Variants in RBFOX1 observed in about 807,000 individuals in gnomAD.
RBFOX1 encodes RNA binding fox-1 homolog 1.
RBFOX1 carries 8 observed loss-of-function variants against 57.7 expected under a neutral mutation model. The observed-to-expected ratio is 0.14, with a 90% confidence interval of 0.08 to 0.25. The LOEUF (loss-of-function observed/expected upper bound fraction) is 0.25, where lower values mean the gene tolerates loss of function less well. RBFOX1 is among the 10% of genes least tolerant of loss of function. The pLI is 1.00. For synonymous variants in RBFOX1, 326 were observed against 222.4 expected, an observed-to-expected ratio of 1.47 and a Z score of -4.15; for missense variants, 611 against 548.5, an observed-to-expected ratio of 1.11 and a Z score of -1.14.
chr16:7,157,584 C>G (rs1235235673), intron 4 of RBFOX1, among the ~76,000 whole-genome samples: 1 of 152,002 alleles, frequency 6.6e-6, no homozygotes, highest in Non-Finnish European at 1.5e-5. Context: ...TGAAAATATC[C>G]GAATAGGGTC....
rs528820141 is a variant in RBFOX1, at chr16:6,247,005, G to C, written c.-126-69990G>C. 4.1e-4 allele frequency among the ~76,000 whole-genome samples: 62 copies of C among 152,276 alleles called. 1 individual carries two copies. In the South Asian group the frequency reaches 6.6e-3, roughly 16 times the overall value. On this transcript the variant is annotated intron_variant, in intron 1 of 15. Coordinates refer to ENST00000550418, the MANE Select transcript of RBFOX1 (RefSeq NM_018723.4). ...GAATCGCTTGAACCCAGGAAGTAGA[G>C]GTTGTGGTGAGTCGAGATTGCACCA...
chr16:5,793,352 T>C (rs935464832), intron 3 of RBFOX1, among the ~76,000 whole-genome samples: 2 of 152,244 alleles, frequency 1.3e-5, no homozygotes, highest in African/African-American at 4.8e-5. Context: ...CAACATGCCA[T>C]TGAAAAGGAA....
chr16:7,077,941 CCAAA>C (rs1216835638), intron 4 of RBFOX1, among the ~76,000 whole-genome samples: 3 of 152,204 alleles, frequency 2.0e-5, no homozygotes, highest in African/African-American at 7.2e-5. Flanking sequence ...ACTCATTAGG[CCAAA>C]CAGAGAGAAA....
intron 4 of RBFOX1, among the ~76,000 whole-genome samples, chr16:7,141,007 G>C (rs986890209): frequency 3.3e-5 from 5 of 152,170 alleles, no homozygotes; most frequent in African/African-American, 1.2e-4. Context: ...AAGTAATAAT[G>C]AAGCCTCCTC....
At chr16:6,220,805 C>T (rs749832405) in intron 1 of RBFOX1, among the ~76,000 whole-genome samples, 12 of 151,836 alleles carry the variant, frequency 7.9e-5, no homozygotes, top group Admixed American at 2.0e-4. Flanking sequence ...GCCTTTCTTC[C>T]ACCCTCAGAT....
chr16:6,694,972 C>A (rs192899455), intron 3 of RBFOX1, among the ~76,000 whole-genome samples: 2 of 152,006 alleles, frequency 1.3e-5, no homozygotes, highest in Admixed American at 1.3e-4. Context: ...ACAGGTGTCA[C>A]TGTAGGTGAA....
intron 3 of RBFOX1, among the ~76,000 whole-genome samples, chr16:6,994,311 G>A (rs777505959): frequency 6.6e-6 from 1 of 152,140 alleles, no homozygotes; most frequent in South Asian, 2.1e-4. Context: ...CTTAAATGCA[G>A]GGTTGGATGT....
intron 3 of RBFOX1, among the ~76,000 whole-genome samples, chr16:6,868,309 A>G (rs1428730501): frequency 6.6e-6 from 1 of 152,194 alleles, no homozygotes; most frequent in Non-Finnish European, 1.5e-5. Flanking sequence ...TTGCTGAAGT[A>G]AGAGGATGGT....
rs369978732 is a variant in RBFOX1 at position 7,583,145 on chromosome 16, C to A, written c.414+3225C>A. Reference sequence around the variant, plus strand: ...ATGTTTGGCATTAAATCTTCTAGCTCATCTTTTTTTTTTTTTTTTTCTCAT... The same window carrying A: ...ATGTTTGGCATTAAATCTTCTAGCTAATCTTTTTTTTTTTTTTTTTCTCAT... On this transcript the variant is annotated intron_variant, in intron 6 of 15. Coordinates refer to ENST00000550418, the MANE Select transcript of RBFOX1 (RefSeq NM_018723.4). 8.3e-3 allele frequency among the ~76,000 whole-genome samples: 948 copies of A among 113,926 alleles called. 6 individuals carry two copies. The highest frequency in any genetic ancestry group is 0.022 in the African/African-American group (690 of 31,032). 74.7% of individuals were successfully genotyped at this position (113,926 alleles called of 152,430 possible).
intron 2 of RBFOX1, among the ~76,000 whole-genome samples, chr16:6,380,333 A>C (rs1328702436): frequency 6.7e-6 from 1 of 148,690 alleles, no homozygotes; most frequent in African/African-American, 2.5e-5. Context: ...AGCAAAGGGA[A>C]CACTGGAGGC....
intron 1 of RBFOX1, among the ~76,000 whole-genome samples, chr16:5,376,783 G>T (rs1207809081): frequency 6.7e-6 from 1 of 149,976 alleles, no homozygotes; most frequent in Non-Finnish European, 1.5e-5. Flanking sequence ...TTCCAAGCTT[G>T]GGGTAGACCA....
intron 10 of RBFOX1, among the ~76,000 whole-genome samples, chr16:7,614,021 A>G (rs2058017719): frequency 6.6e-6 from 1 of 152,182 alleles, no homozygotes; most frequent in Non-Finnish European, 1.5e-5. Flanking sequence ...GTTACCATCC[A>G]AGCCCTTCAA....
intron 4 of RBFOX1, among the ~76,000 whole-genome samples, chr16:7,261,826 C>T (rs1419570488): frequency 6.6e-6 from 1 of 152,178 alleles, no homozygotes; most frequent in Non-Finnish European, 1.5e-5. Flanking sequence ...TACTGATATC[C>T]AGACCCTCTC....
At chr16:5,294,368 G>T (rs1008532817) in intron 1 of RBFOX1, among the ~76,000 whole-genome samples, 1 of 152,192 alleles carries the variant, frequency 6.6e-6, no homozygotes, top group African/African-American at 2.4e-5. Flanking sequence ...GCTGATTGTG[G>T]TGTGCAGCTG....
At chr16:6,921,335 G>C (rs116001591) in intron 3 of RBFOX1, among the ~76,000 whole-genome samples, 1 of 152,144 alleles carries the variant, frequency 6.6e-6, no homozygotes, top group African/African-American at 2.4e-5. Flanking sequence ...CAGTGAACCT[G>C]TCAGGTGGGT....
At chr16:6,529,059 CA>C (rs566076481) in intron 2 of RBFOX1, among the ~76,000 whole-genome samples, 295 of 152,104 alleles carry the variant, frequency 1.9e-3, no homozygotes, top group African/African-American at 6.8e-3. Context: ...GGTTAAAAAA[CA>C]AAAAAACTTC....
At chr16:6,216,899 C>G (rs1004458813) in intron 1 of RBFOX1, among the ~76,000 whole-genome samples, 16 of 151,900 alleles carry the variant, frequency 1.1e-4, no homozygotes, top group Admixed American at 2.0e-4. Flanking sequence ...CCCTTGGAAG[C>G]TCTTCTTTGA....
At chr16:7,334,890 C>G (rs182360045) in intron 4 of RBFOX1, among the ~76,000 whole-genome samples, 2 of 152,112 alleles carry the variant, frequency 1.3e-5, no homozygotes, top group Non-Finnish European at 2.9e-5. Flanking sequence ...TTTTTCCAAG[C>G]GACACCTCTG....
chr16:5,731,666 T>A (rs2052378542), intron 3 of RBFOX1, among the ~76,000 whole-genome samples: 1 of 152,192 alleles, frequency 6.6e-6, no homozygotes. Flanking sequence ...AAGGGAGAGC[T>A]ATTAAGTCAG....
Sources: gnomAD v4.1 joint callset for allele counts (sites outside exome capture counted in the v4.1 genomes callset) on GRCh38, gnomAD v4.1.1 for gene constraint, MANE v1.5 for transcripts, NCBI Gene and HGNC (gene_info 2026-07-23, HGNC 2026-07-21) for gene names.